Variants in ESD observed in about 807,000 individuals in gnomAD.
The protein encoded by ESD is esterase D, also known as S-formylglutathione hydrolase.
Under a neutral mutation model 38.1 loss-of-function variants are expected in ESD, and 34 were observed. That is an observed-to-expected ratio of 0.89 (90% confidence interval 0.68 to 1.19). The LOEUF is 1.19. Ranked by LOEUF, ESD falls within the 50% of genes most tolerant of loss-of-function variation. ESD has a pLI of 0.00. For missense variants in ESD, 334 were observed against 327.2 expected (o/e 1.02, Z -0.16); for synonymous variants, 97 against 107.0 (o/e 0.91, Z 0.58).
chr13:46,777,518 G>A lies in ESD; in HGVS notation c.706C>T (p.Pro236Ser). 1 of 1,611,060 alleles carries A rather than the reference G, an allele frequency of 6.2e-7. No homozygotes were observed. The highest frequency in any genetic ancestry group is 8.5e-7 in the Non-Finnish European group (1 of 1,178,046). Residue 236 changes from proline (P) to serine (S), a missense_variant, in exon 9 of 10, where the codon CCT (proline) becomes TCT (serine). By Grantham distance (74) the Pro-to-Ser change is moderately conservative (BLOSUM62 -1). Coordinates refer to ENST00000378720, the MANE Select transcript of ESD (RefSeq NM_001984.2). ...GTACAGGCAGCTATGAAGTTATCAG[G>A]GAGTAACTGTCCATCTAAAAGAAAC... ...DQFLLDGQLL[P>S]DNFIAACTEK...
chr13:46,782,985 C>T (rs1875062711), intron 5 of ESD, among the ~76,000 whole-genome samples, 194 bp from the exon 6 acceptor site: 1 of 151,934 alleles, frequency 6.6e-6, no homozygotes, highest in Non-Finnish European at 1.5e-5. Flanking sequence ...CCCTGCGACT[C>T]GTTCTGGCCA....
Position 46,777,515 on chromosome 13 carries a change from C to T in ESD, c.709G>A (p.Asp237Asn). 1 of 1,610,904 alleles carries T rather than the reference C, an allele frequency of 6.2e-7. No individual in the cohort carries two copies. Among genetic ancestry groups the T allele is most frequent in the Non-Finnish European group, 8.5e-7 (1 of 1,177,934 alleles). ...TCTGTACAGGCAGCTATGAAGTTATCAGGGAGTAACTGTCCATCTAAAAGA... is the reference window on the plus strand; with the variant it reads ...TCTGTACAGGCAGCTATGAAGTTATTAGGGAGTAACTGTCCATCTAAAAGA... ...QFLLDGQLLP[D>N]NFIAACTEKK... Residue 237 changes from aspartate (D) to asparagine (N), a missense_variant, in exon 9 of 10, where the codon GAT becomes AAT. Transcript: ENST00000378720.
Position 46,791,403 on chromosome 13 carries a change from T to C in ESD, c.11A>G (p.Lys4Arg), listed in dbSNP as rs150631515. The C allele has an allele frequency of 1.2e-6, 2 of 1,612,452 alleles. No homozygotes were observed. Among genetic ancestry groups the C allele is most frequent in the African/African-American group, 1.3e-5 (1 of 74,890 alleles). ...AAAGCACTTGTTGCTGGAAATCTGC[T>C]TCAATGCCATTCTTTTCCTATTAGT... is the stretch of plus-strand genomic sequence containing the variant. MALKQISSNKCFGG... is the reference protein window; with the variant it reads MALRQISSNKCFGG... The change falls in exon 3 of 10, where the codon AAG becomes AGG. Residue 4 changes from lysine to arginine, a missense_variant. Lys to Arg is a conservative substitution (Grantham distance 26). Coordinates refer to ENST00000378720, the MANE Select transcript of ESD (RefSeq NM_001984.2).
At chr13:46,791,644 A>G (rs540892921) in intron 2 of ESD, among the ~76,000 whole-genome samples, 1 of 152,064 alleles carries the variant, frequency 6.6e-6, no homozygotes, top group Admixed American at 6.5e-5. Flanking sequence ...ACTTTGGTAT[A>G]TCATTACTAA....
intron 3 of ESD, among the ~76,000 whole-genome samples, chr13:46,789,972 T>C (rs1875335210): frequency 6.7e-6 from 1 of 150,360 alleles, no homozygotes; most frequent in African/African-American, 2.4e-5. Context: ...TGCATAACCA[T>C]GCCTGGCTAA....
intron 2 of ESD, among the ~76,000 whole-genome samples, chr13:46,791,680 G>C (rs940592130): frequency 2.6e-5 from 4 of 151,876 alleles, no homozygotes; most frequent in Non-Finnish European, 5.9e-5. Flanking sequence ...TTTCGTTGTG[G>C]TGGACTGCCC....
At chr13:46,777,969 T>A (rs1026729901) in intron 8 of ESD, among the ~76,000 whole-genome samples, 1 of 151,924 alleles carries the variant, frequency 6.6e-6, no homozygotes, top group Non-Finnish European at 1.5e-5. Context: ...TTTTCCTTTG[T>A]AACTCCTTCC....
At chr13:46,788,329 T>A (rs1056918090) in intron 3 of ESD, among the ~76,000 whole-genome samples, 1 of 152,072 alleles carries the variant, frequency 6.6e-6, no homozygotes. Flanking sequence ...ACTTTTCTTG[T>A]TGATGACTGA....
rs550632379 is a variant in ESD at position 46,793,402 on chromosome 13, C to T, written c.-13G>A. The T allele has an allele frequency of 5.9e-5, 9 of 152,450 alleles. No individual in the cohort carries two copies. Among genetic ancestry groups the T allele is most frequent in the Non-Finnish European group, 8.8e-5 (6 of 67,988 alleles). 9.4% of individuals were successfully genotyped at this position (152,450 alleles called of 1,614,324 possible). On this transcript the variant is annotated 5_prime_UTR_variant, in exon 2 of 10. Transcript: ENST00000378720. ...AAACAATAAAACAAGTTTACCTGTC[C>T]AATTGCTGATTGCTTTTTGCTTGCA...
At chr13:46,785,470 A>T (rs1015146108) in intron 4 of ESD, among the ~76,000 whole-genome samples, 1 of 152,024 alleles carries the variant, frequency 6.6e-6, no homozygotes, top group African/African-American at 2.4e-5. Flanking sequence ...AAATCACTAC[A>T]CATGAACTAT....
intron 3 of ESD, 130 bp from the exon 4 acceptor site, chr13:46,787,239 A>C (rs1875224979): frequency 2.0e-6 from 1 of 489,492 alleles, no homozygotes; most frequent in Non-Finnish European, 3.5e-6. Context: ...TAATGTTCAA[A>C]ATAAGTGGTT....
chr13:46,784,399 G>T, intron 4 of ESD, 49 bp from the exon 5 acceptor site: 1 of 1,321,732 alleles, frequency 7.6e-7, no homozygotes, highest in Non-Finnish European at 1.1e-6. Context: ...ATGAAGATGT[G>T]CACCATTAAT....
At chr13:46,778,024 C>T (rs1874866069) in intron 8 of ESD, among the ~76,000 whole-genome samples, 1 of 151,858 alleles carries the variant, frequency 6.6e-6, no homozygotes, top group African/African-American at 2.4e-5. Context: ...TGATCTTTTT[C>T]CAAATATTCT....
intron 4 of ESD, among the ~76,000 whole-genome samples, chr13:46,786,321 T>C (rs1875191080): frequency 6.6e-6 from 1 of 151,996 alleles, no homozygotes; most frequent in African/African-American, 2.4e-5. Context: ...AAATCAAAGT[T>C]ACAGGAACCA....
intron 1 of ESD, among the ~76,000 whole-genome samples, chr13:46,795,971 T>C (rs1875560458): frequency 6.6e-6 from 1 of 152,160 alleles, no homozygotes; most frequent in Admixed American, 6.5e-5. Flanking sequence ...TCTCTTTTCC[T>C]TCATAAAAAT....
At chr13:46,772,282 AG>A (rs1391454999) in intron 9 of ESD, among the ~76,000 whole-genome samples, 1 of 152,220 alleles carries the variant, frequency 6.6e-6, no homozygotes, top group African/African-American at 2.4e-5. Context: ...AAGTTGAAAG[AG>A]ATTTCTATCT....
intron 3 of ESD, among the ~76,000 whole-genome samples, chr13:46,789,770 A>G (rs1323513046): frequency 6.6e-6 from 1 of 151,842 alleles, no homozygotes; most frequent in Admixed American, 6.6e-5. Context: ...TGTCATTTCT[A>G]CTACCAAAAT....
chr13:46,786,942 G>C (rs1003364714), intron 4 of ESD, 79 bp downstream of exon 4: 1 of 827,642 alleles, frequency 1.2e-6, no homozygotes, highest in African/African-American at 1.8e-5. Context: ...AGCCTACCAA[G>C]TTAAAATAAA....
chr13:46,791,794 G>A (rs1209501307), intron 2 of ESD, among the ~76,000 whole-genome samples: 1 of 152,000 alleles, frequency 6.6e-6, no homozygotes, highest in Admixed American at 6.6e-5. Flanking sequence ...CTGCAACAAA[G>A]TAGTCAAGGA....
Sources: allele counts gnomAD v4.1 joint callset (sites outside exome capture counted in the v4.1 genomes callset), GRCh38; gene constraint gnomAD v4.1.1; transcripts MANE v1.5; gene names NCBI Gene and HGNC (gene_info 2026-07-23, HGNC 2026-07-21).